SAMD13: variants seen among roughly 807,000 people sequenced by gnomAD.
SAMD13 encodes the protein sterile alpha motif domain containing 13, also known as sterile alpha motif domain-containing protein 13.
SAMD13 carries 9 observed loss-of-function variants against 12.4 expected under a neutral mutation model. That is an observed-to-expected ratio of 0.72 (90% CI 0.44 to 1.26). The LOEUF (loss-of-function observed/expected upper bound fraction) is 1.26. SAMD13 is among the 50% of genes most tolerant of loss of function. The probability of loss-of-function intolerance (pLI) is 0.00; values close to 1 mark genes in which losing one functional copy is unlikely to be tolerated. For synonymous variants in SAMD13, 46 were observed against 45.4 expected (o/e 1.01, Z -0.05); for missense variants, 84 against 119.6 (o/e 0.70, Z 1.39).
At chr1:84,305,549 G>T (rs1678551191) in intron 2 of SAMD13, among the ~76,000 whole-genome samples, 1 of 151,932 alleles carries the variant, frequency 6.6e-6, no homozygotes, top group African/African-American at 2.4e-5. Flanking sequence ...TAGTGCTTTT[G>T]GTGTCATATT....
chr1:84,298,651 G>T (rs1264296753), upstream of SAMD13: 3 of 1,210,026 alleles, frequency 2.5e-6, no homozygotes, highest in Admixed American at 4.1e-5. Context: ...GAAGAATGCC[G>T]CAATGAAAAC....
At position 84,310,893 on chromosome 1, in the gene SAMD13, T is replaced by C. The variant is rs553208582; in HGVS notation, c.53+7606T>C. On this transcript the variant is annotated intron_variant, in intron 2 of 3. Coordinates refer to ENST00000394834, the MANE Select transcript of SAMD13 (RefSeq NM_001134663.2). ...TATGAAATTATTATTGTATATTGTA[T>C]TGCACTCTGAAAAGTTGCAATTTTA... Among the ~76,000 whole-genome samples the C allele has an allele frequency of 2.0e-5, 3 of 152,338 alleles. No homozygotes were observed. In the South Asian group the frequency reaches 6.2e-4, roughly 32 times the overall value.
intron 3 of SAMD13, among the ~76,000 whole-genome samples, chr1:84,326,923 G>A (rs17131595): frequency 0.08 from 12,170 of 152,090 alleles, 1,330 homozygotes; most frequent in African/African-American, 0.25. Context: ...TGCTAAAATA[G>A]CAGCTTAAAT....
intron 3 of SAMD13, among the ~76,000 whole-genome samples, chr1:84,349,014 C>A (rs965514617): frequency 1.3e-5 from 2 of 152,108 alleles, no homozygotes; most frequent in Non-Finnish European, 2.9e-5. Flanking sequence ...CTCCAGGAAA[C>A]CTAAGACTCT....
chr1:84,315,012 CTCTT>C (rs1345238610), intron 2 of SAMD13, among the ~76,000 whole-genome samples: 4 of 139,578 alleles, frequency 2.9e-5, no homozygotes, highest in Non-Finnish European at 4.6e-5. Context: ...CTCTCCTTCT[CTCTT>C]TCTTTCTCTT....
rs1449173717 is a variant in SAMD13, at chr1:84,318,596, C to T, written c.54-7041C>T. Among the ~76,000 whole-genome samples, 5 of 151,986 alleles carry T rather than the reference C, an allele frequency of 3.3e-5. No homozygotes were observed. The East Asian group carries it at 7.7e-4, about 23-fold the overall frequency. On this transcript the variant is annotated intron_variant, in intron 2 of 3. Transcript: ENST00000394834. Reference sequence around the variant, plus strand: ...TTCTGCAGTTGTTAGGTTGAATGTTCCTTATATGTCTGTTAGGTTCACTTG... The same window carrying T: ...TTCTGCAGTTGTTAGGTTGAATGTTTCTTATATGTCTGTTAGGTTCACTTG...
At chr1:84,335,012 T>C (rs1570254571) in intron 3 of SAMD13, among the ~76,000 whole-genome samples, 1 of 152,274 alleles carries the variant, frequency 6.6e-6, no homozygotes, top group South Asian at 2.1e-4. Flanking sequence ...ATGAGAAGAA[T>C]ATATATTCTG....
At chr1:84,301,105 C>T (rs1034347842), upstream of SAMD13, among the ~76,000 whole-genome samples, 2 of 152,182 alleles carry the variant, frequency 1.3e-5, no homozygotes, top group Non-Finnish European at 2.9e-5. Context: ...TGGGCGTTTT[C>T]AGGAGATCTG....
intron 3 of SAMD13, among the ~76,000 whole-genome samples, chr1:84,339,924 A>G (rs942196851): frequency 6.6e-6 from 1 of 152,236 alleles, no homozygotes; most frequent in African/African-American, 2.4e-5. Flanking sequence ...GAGGTTATAG[A>G]AAGGGATGAG....
intron 2 of SAMD13, among the ~76,000 whole-genome samples, chr1:84,305,907 G>T (rs1446098388): frequency 6.6e-6 from 1 of 151,930 alleles, no homozygotes; most frequent in Non-Finnish European, 1.5e-5. Flanking sequence ...CTTGAAATCA[G>T]GTAGTGTTAG....
chr1:84,344,090 T>G (rs79280912), intron 3 of SAMD13, among the ~76,000 whole-genome samples: 1 of 149,036 alleles, frequency 6.7e-6, no homozygotes, highest in Non-Finnish European at 1.5e-5. Flanking sequence ...TTTTTTTTTT[T>G]GTAATACAGA....
intron 3 of SAMD13, among the ~76,000 whole-genome samples, chr1:84,329,435 CAT>C (rs1158278830): frequency 1.3e-5 from 2 of 152,194 alleles, no homozygotes; most frequent in African/African-American, 4.8e-5. Context: ...GGTGTGGTCT[CAT>C]AGCACAGTAT....
chr1:84,329,569 T>C (rs1198485558), intron 3 of SAMD13, among the ~76,000 whole-genome samples: 2 of 152,126 alleles, frequency 1.3e-5, no homozygotes, highest in African/African-American at 4.8e-5. Context: ...TGTGTTCCTG[T>C]GGTATGGAGA....
upstream of SAMD13, chr1:84,299,676 T>TG (rs72030782): frequency 1.7e-6 from 1 of 590,688 alleles, no homozygotes; most frequent in South Asian, 6.8e-5. Context: ...TATATATATA[T>TG]TTATTTATTT....
rs540916145 is a variant in SAMD13, at chr1:84,315,479, G to T, written c.54-10158G>T. ...TGTATATACAGCATGTCTTTTTTGCGGTGGGTCTCCCTATGTTGCCTAGGC... is the reference window on the plus strand; with the variant it reads ...TGTATATACAGCATGTCTTTTTTGCTGTGGGTCTCCCTATGTTGCCTAGGC... On this transcript the variant is annotated intron_variant, in intron 2 of 3. Transcript: ENST00000394834. 2.6e-5 allele frequency among the ~76,000 whole-genome samples: 4 copies of T among 151,952 alleles called. No homozygotes were observed. The South Asian group carries it at 8.3e-4, about 32-fold the overall frequency.
intron 3 of SAMD13, among the ~76,000 whole-genome samples, chr1:84,334,565 G>C (rs77873655): frequency 0.021 from 3,141 of 152,000 alleles, 95 homozygotes; most frequent in African/African-American, 0.07. Flanking sequence ...ATTCGGTTCA[G>C]CTCAGATTTT....
At position 84,333,737 on chromosome 1, in the gene SAMD13, A is replaced by G. The variant is rs79090289; in HGVS notation, c.165+7989A>G. On this transcript the variant is annotated intron_variant, in intron 3 of 3. Transcript: ENST00000394834. Reference sequence around the variant, plus strand: ...TTTGAGGTATTTAACTTTGATGCCTAGTTTGTTAAGGATTTTTAACATGAA... The same window carrying G: ...TTTGAGGTATTTAACTTTGATGCCTGGTTTGTTAAGGATTTTTAACATGAA... 4.1e-3 allele frequency among the ~76,000 whole-genome samples: 622 copies of G among 152,150 alleles called. 7 individuals carry two copies. Among genetic ancestry groups the G allele is most frequent in the African/African-American group, 0.014 (570 of 41,542 alleles).
rs574299521 is a variant in SAMD13 at position 84,349,964 on chromosome 1, C to T, written c.*190C>T. On this transcript the variant is annotated 3_prime_UTR_variant, in exon 4 of 4. Coordinates refer to ENST00000394834, the MANE Select transcript of SAMD13 (RefSeq NM_001134663.2). ...TGAAATCAGCCAGGAGGAGCAAGGA[C>T]AAGATGCGCACAGGGTGGTTTTCCT... 3 of 1,270,584 alleles carry T rather than the reference C, an allele frequency of 2.4e-6. No homozygotes were observed. Among genetic ancestry groups the T allele is most frequent in the African/African-American group, 1.5e-5 (1 of 66,832 alleles). The allele number at this position is 1,270,584 out of a possible 1,614,324, so 78.7% of individuals were successfully genotyped here.
upstream of SAMD13, among the ~76,000 whole-genome samples, chr1:84,299,241 G>A (rs1433758056): frequency 1.3e-5 from 2 of 152,124 alleles, no homozygotes; most frequent in African/African-American, 4.8e-5. Flanking sequence ...TCTGCCTGGG[G>A]GACGAATGCT....
Sources: gnomAD v4.1 joint callset for allele counts (sites outside exome capture counted in the v4.1 genomes callset) on GRCh38, gnomAD v4.1.1 for gene constraint, MANE v1.5 for transcripts, NCBI Gene and HGNC (gene_info 2026-07-23, HGNC 2026-07-21) for gene names.